CHST6: variants seen among roughly 807,000 people sequenced by gnomAD.
CHST6 encodes N-acetylglucosamine 6-O-sulfotransferase 5.
For synonymous variants in CHST6, 309 were observed against 276.4 expected, an observed-to-expected ratio of 1.12 and a Z score of -1.17; for missense variants, 698 against 586.2, an observed-to-expected ratio of 1.19 and a Z score of -1.97.
At position 75,484,119 on chromosome 16, in the gene CHST6, C is replaced by T. The variant is rs572491495; in HGVS notation, c.-91-2228G>A. Among the ~76,000 whole-genome samples the T allele has an allele frequency of 2.2e-4, 34 of 152,174 alleles. No homozygotes were observed. The South Asian group carries it at 5.0e-3, about 22-fold the overall frequency. On this transcript the variant is annotated intron_variant, in intron 1 of 2. Coordinates refer to ENST00000332272, the MANE Select transcript of CHST6 (RefSeq NM_021615.5). ...TCGGGAGGCTGAGGCGGGTGGATCACCTAAGGTCAGGAATTTGAGACTAGC... is the reference window on the plus strand; with the variant it reads ...TCGGGAGGCTGAGGCGGGTGGATCATCTAAGGTCAGGAATTTGAGACTAGC...
intron 1 of CHST6, among the ~76,000 whole-genome samples, chr16:75,484,593 T>A (rs988719249): frequency 6.6e-6 from 1 of 152,154 alleles, no homozygotes; most frequent in Non-Finnish European, 1.5e-5. Flanking sequence ...CTCACGCCTG[T>A]AATCCCAGCA....
chr16:75,479,487 G>A lies in CHST6; in HGVS notation c.342C>T (p.Arg114=), dbSNP rs1415515866. Residue 114 remains arginine (R), a synonymous_variant, in exon 3 of 3, where the codon CGC becomes CGT. Coordinates refer to ENST00000332272, the MANE Select transcript of CHST6 (RefSeq NM_021615.5). ...MDVFDAYLPW[R]RNLSDLFQWA... ...ACTGGAAGAGGTCGGACAGGTTGCG[G>A]CGCCAAGGCAGATAGGCATCAAACA... The A allele has an allele frequency of 6.2e-7, 1 of 1,612,974 alleles. No individual in the cohort carries two copies. Among genetic ancestry groups the A allele is most frequent in the East Asian group, 2.2e-5 (1 of 44,868 alleles).
rs117435647 is a variant in CHST6 at position 75,479,345 on chromosome 16, G to C, written c.484C>G (p.Arg162Gly). 0.049 allele frequency: 79,785 copies of C among 1,612,722 alleles called. 2,321 individuals are homozygous for C. The highest frequency in any genetic ancestry group is 0.059 in the Non-Finnish European group (70,007 of 1,179,760). ...TGGCTGTAGGAGCGGCAGGCCTCCC[G>C]GGCCAGGGTGAAGGACTGCCGCGCG... ...LCARQSFTLA[R>G]EACRSYSHVV... The change falls in exon 3 of 3, where the codon CGG (arginine) becomes GGG (glycine). Residue 162 changes from arginine to glycine, a missense_variant. Transcript: ENST00000332272.
chr16:75,491,277 CAAT>C (rs1330107054), intron 1 of CHST6, among the ~76,000 whole-genome samples: 1 of 141,322 alleles, frequency 7.1e-6, no homozygotes, highest in Non-Finnish European at 1.5e-5. Flanking sequence ...AATTCTATCT[CAAT>C]AAAGCCATTA....
intron 1 of CHST6, among the ~76,000 whole-genome samples, chr16:75,487,104 G>A (rs1249885092): frequency 6.6e-6 from 1 of 152,200 alleles, no homozygotes; most frequent in East Asian, 1.9e-4. Flanking sequence ...ATACTCTGTG[G>A]TCCACATCCA....
chr16:75,479,344 C>A lies in CHST6; in HGVS notation c.485G>T (p.Arg162Leu). Residue 162 changes from arginine (R) to leucine (L), a missense_variant, in exon 3 of 3, where the codon CGG (arginine) becomes CTG (leucine). Arg to Leu is a moderately radical substitution (Grantham distance 102). Coordinates refer to ENST00000332272, the MANE Select transcript of CHST6 (RefSeq NM_021615.5). ...LCARQSFTLA[R>L]EACRSYSHVV... ...GTGGCTGTAGGAGCGGCAGGCCTCC[C>A]GGGCCAGGGTGAAGGACTGCCGCGC... The A allele has an allele frequency of 6.2e-7, 1 of 1,612,754 alleles. No individual in the cohort carries two copies. Among genetic ancestry groups the A allele is most frequent in the Non-Finnish European group, 8.5e-7 (1 of 1,179,770 alleles).
rs769455712 is a variant in CHST6 at position 75,479,257 on chromosome 16, G to C, written c.572C>G (p.Pro191Arg). The change falls in exon 3 of 3, where the codon CCC becomes CGC. Residue 191 changes from proline (P) to arginine (R), a missense_variant. Coordinates refer to ENST00000332272, the MANE Select transcript of CHST6 (RefSeq NM_021615.5). ...GTGCACGATGCGTAGGTTGAGCGCG[G>C]GGTCGCTGAGCAGCGGGTAGAGCAC... ...LQVLYPLLSD[P>R]ALNLRIVHLV... 3 of 1,612,552 alleles carry C rather than the reference G, an allele frequency of 1.9e-6. No homozygotes were observed. The highest frequency in any genetic ancestry group is 2.5e-6 in the Non-Finnish European group (3 of 1,179,766).
At chr16:75,487,615 C>A (rs1428279672) in intron 1 of CHST6, among the ~76,000 whole-genome samples, 1 of 151,936 alleles carries the variant, frequency 6.6e-6, no homozygotes, top group East Asian at 1.9e-4. Flanking sequence ...TTGGCTAACA[C>A]AGTGAAACCC....
chr16:75,484,618 G>A (rs1241004256), intron 1 of CHST6, among the ~76,000 whole-genome samples: 1 of 152,194 alleles, frequency 6.6e-6, no homozygotes, highest in Admixed American at 6.5e-5. Flanking sequence ...GGGAGGCTGA[G>A]GCGGGCAGAT....
chr16:75,492,949 G>A (rs1270960469), intron 1 of CHST6, among the ~76,000 whole-genome samples: 1 of 152,110 alleles, frequency 6.6e-6, no homozygotes, highest in Non-Finnish European at 1.5e-5. Context: ...TCTGCCAGGA[G>A]ATACCCTAGA....
In CHST6 at chr16:75,473,764, T is replaced by A. The variant is rs1031648255; in HGVS notation, c.*4877A>T. The A allele has an allele frequency of 6.6e-6, 1 of 152,194 alleles. No individual in the cohort carries two copies. Among genetic ancestry groups the A allele is most frequent in the Non-Finnish European group, 1.5e-5 (1 of 68,026 alleles). The allele number at this position is 152,194 out of a possible 1,614,324, so 9.4% of individuals were successfully genotyped here. On this transcript the variant is annotated 3_prime_UTR_variant, in exon 3 of 3. Coordinates refer to ENST00000332272, the MANE Select transcript of CHST6 (RefSeq NM_021615.5). ...AAAACTGTTGTCCTTGGTCATCCTA[T>A]CTCTACAAATTTATTGTATTTTTTA...
intron 2 of CHST6, 73 bp downstream of exon 2, chr16:75,481,744 C>T (rs367551159): frequency 6.2e-5 from 28 of 451,984 alleles, no homozygotes; most frequent in East Asian, 3.7e-4. Context: ...CCAGCTGAGG[C>T]GGAGCTGGGA....
chr16:75,492,487 C>T (rs2080267022), intron 1 of CHST6, among the ~76,000 whole-genome samples: 1 of 152,196 alleles, frequency 6.6e-6, no homozygotes, highest in Admixed American at 6.5e-5. Flanking sequence ...ATTTTAATTA[C>T]CTTATTTTTT....
In CHST6 at chr16:75,479,478, C is replaced by G. The variant is rs142640392; in HGVS notation, c.351G>C (p.Leu117=). 16 of 1,612,814 alleles carry G rather than the reference C, an allele frequency of 9.9e-6. No homozygotes were observed. In the African/African-American group the frequency reaches 1.7e-4, roughly 17 times the overall value. The change falls in exon 3 of 3, where the codon CTG becomes CTC. Residue 117 remains leucine, a synonymous_variant. Transcript: ENST00000332272. ...TCACGGCCCACTGGAAGAGGTCGGA[C>G]AGGTTGCGGCGCCAAGGCAGATAGG... ...FDAYLPWRRN[L]SDLFQWAVSR...
chr16:75,488,623 A>G (rs941664858), intron 1 of CHST6, among the ~76,000 whole-genome samples: 2 of 152,188 alleles, frequency 1.3e-5, no homozygotes, highest in Admixed American at 1.3e-4. Flanking sequence ...ACAAGGAGCA[A>G]AAGAAAGAGG....
chr16:75,480,488 T>A (rs1215822914), intron 2 of CHST6, among the ~76,000 whole-genome samples: 1 of 152,098 alleles, frequency 6.6e-6, no homozygotes, highest in African/African-American at 2.4e-5. Context: ...TGTTTGAATA[T>A]CCTGGATGGA....
chr16:75,486,912 G>A (rs1385240476), intron 1 of CHST6, among the ~76,000 whole-genome samples: 1 of 152,142 alleles, frequency 6.6e-6, no homozygotes, highest in Non-Finnish European at 1.5e-5. Flanking sequence ...CTAATTACAT[G>A]GGTGTGTTCA....
chr16:75,494,296 C>G (rs1415731146), intron 1 of CHST6, among the ~76,000 whole-genome samples: 1 of 152,152 alleles, frequency 6.6e-6, no homozygotes, highest in Non-Finnish European at 1.5e-5. Flanking sequence ...GCCTCTCAGG[C>G]TGGAGAGGAG....
At chr16:75,492,570 C>T (rs1179503386) in intron 1 of CHST6, among the ~76,000 whole-genome samples, 1 of 152,190 alleles carries the variant, frequency 6.6e-6, no homozygotes, top group Non-Finnish European at 1.5e-5. Flanking sequence ...AACTCAGGGC[C>T]GGGCGCGGTG....
Sources: allele counts gnomAD v4.1 joint callset (sites outside exome capture counted in the v4.1 genomes callset), GRCh38; gene constraint gnomAD v4.1.1; transcripts MANE v1.5; gene names NCBI Gene and HGNC (gene_info 2026-07-23, HGNC 2026-07-21).